Variants in SEMA3G observed in about 807,000 individuals in gnomAD.
SEMA3G encodes semaphorin-3G.
A neutral mutation model predicts 86.2 loss-of-function variants in SEMA3G; 70 were observed. The observed-to-expected ratio is 0.81, with a 90% CI of 0.67 to 0.99. The LOEUF is 0.99. Ranked by LOEUF, SEMA3G falls within the 50% of genes least tolerant of loss-of-function variation. The probability of loss-of-function intolerance (pLI) is 0.00; values close to 1 mark genes in which losing one functional copy is unlikely to be tolerated. For synonymous variants in SEMA3G, 416 were observed against 441.4 expected (o/e 0.94, Z 0.72); for missense variants, 1,002 against 1,072.4 (o/e 0.93, Z 0.92).
rs1022602274 is a variant in SEMA3G at position 52,433,505 on chromosome 3, C to T, written c.*2098G>A. 3 of 152,634 alleles carry T rather than the reference C, an allele frequency of 2.0e-5. No homozygotes were observed. Among genetic ancestry groups the T allele is most frequent in the African/African-American group, 7.2e-5 (3 of 41,442 alleles). 9.5% of individuals were successfully genotyped at this position (152,634 alleles called of 1,614,324 possible). Reference sequence around the variant, plus strand: ...TCAACACACAAATACAAAAACAACTCGCATTTACGGGGCGTTTCCAGGAGT... The same window carrying T: ...TCAACACACAAATACAAAAACAACTTGCATTTACGGGGCGTTTCCAGGAGT... On this transcript the variant is annotated 3_prime_UTR_variant, in exon 16 of 16. Transcript: ENST00000231721.
intron 13 of SEMA3G, 89 bp from the exon 14 acceptor site, chr3:52,438,288 C>T: frequency 7.0e-7 from 1 of 1,431,944 alleles, no homozygotes; most frequent in Non-Finnish European, 9.6e-7. Flanking sequence ...CCTGAGACCC[C>T]TGCCACTTGC....
chr3:52,438,287 C>T, intron 13 of SEMA3G, 88 bp from the exon 14 acceptor site: 1 of 1,433,978 alleles, frequency 7.0e-7, no homozygotes, highest in Non-Finnish European at 9.6e-7. Context: ...TCCTGAGACC[C>T]CTGCCACTTG....
chr3:52,440,484 T>C lies in SEMA3G; in HGVS notation c.1036A>G (p.Met346Val), dbSNP rs970178559. Residue 346 changes from methionine to valine, a missense_variant, in exon 10 of 16, where the codon ATG (methionine) becomes GTG (valine). Coordinates refer to ENST00000231721, the MANE Select transcript of SEMA3G (RefSeq NM_020163.3). ...TTGAAAACCTCCCAGATGTCTGCCATGTGGTACACACAGACGGCGAAGCCC... is the reference window on the plus strand; with the variant it reads ...TTGAAAACCTCCCAGATGTCTGCCACGTGGTACACACAGACGGCGAAGCCC... ...FQGFAVCVYH[M>V]ADIWEVFNGP... 2.5e-6 allele frequency: 4 copies of C among 1,611,922 alleles called. No homozygotes were observed. The highest frequency in any genetic ancestry group is 2.7e-5 in the African/African-American group (2 of 74,900).
In SEMA3G at chr3:52,439,992, G is replaced by C. The variant is rs1706116123; in HGVS notation, c.1250C>G (p.Pro417Arg). ...FARAHPLMFW[P>R]VRPRHGRPVL... Reference sequence around the variant, plus strand: ...AGGGCGGCCATGTCGAGGCCGCACAGGCCAGAACATGAGGGGGTGGGCTCG... The same window carrying C: ...AGGGCGGCCATGTCGAGGCCGCACACGCCAGAACATGAGGGGGTGGGCTCG... Residue 417 changes from proline to arginine, a missense_variant, in exon 11 of 16, where the codon CCT (proline) becomes CGT (arginine). Coordinates refer to ENST00000231721, the MANE Select transcript of SEMA3G (RefSeq NM_020163.3). 6.8e-6 allele frequency: 11 copies of C among 1,613,540 alleles called. No individual in the cohort carries two copies. The highest frequency in any genetic ancestry group is 9.3e-6 in the Non-Finnish European group (11 of 1,179,822).
chr3:52,442,525 A>C lies in SEMA3G; in HGVS notation c.339+34T>G. On this transcript the variant is annotated intron_variant, in intron 3 of 15. Transcript: ENST00000231721. The surrounding 1 kb of genome is among the most constrained non-coding windows in gnomAD (Gnocchi z 6.1). ...GTCCTGGGGGTCAGGGCAGGGTGTC[A>C]GGTCGGGGGACCATCCCTCCCGACA... 6.2e-7 allele frequency: 1 copy of C among 1,608,262 alleles called. No homozygotes were observed. Among genetic ancestry groups the C allele is most frequent in the Non-Finnish European group, 8.5e-7 (1 of 1,174,742 alleles).
At position 52,442,751 on chromosome 3, in the gene SEMA3G, C is replaced by T. The variant is rs200194451; in HGVS notation, c.272G>A (p.Arg91Gln). 316 of 1,613,818 alleles carry T rather than the reference C, an allele frequency of 2.0e-4. 3 individuals carry two copies. Among genetic ancestry groups the T allele is most frequent in the Middle Eastern group, 1.5e-3 (9 of 6,060 alleles). The stretch of plus-strand genomic sequence containing the variant: ...TTCCCTGCCAGTCCAGCTCACCTCC[C>T]GGGGATCTGGCCATGCCTGGTCCAG... ...LRLDQAWPDP[R>Q]EVLWPPQPGQ... is the part of the protein sequence containing the mutation. Residue 91 changes from arginine (R) to glutamine (Q), a missense_variant, in exon 2 of 16, where the codon CGG (arginine) becomes CAG (glutamine). By Grantham distance (43) the Arg-to-Gln change is conservative. Transcript: ENST00000231721. The surrounding 1 kb of genome is among the most constrained non-coding windows in gnomAD (Gnocchi z 6.1).
At chr3:52,438,330 CA>C in intron 13 of SEMA3G, 131 bp from the exon 14 acceptor site, 1 of 1,409,898 alleles carries the variant, frequency 7.1e-7, no homozygotes. Context: ...TGGATTCATT[CA>C]AAAAACAAAA....
Position 52,438,049 on chromosome 3 carries a change from G to A in SEMA3G, c.1660C>T (p.Leu554Phe). ...TGCCGGCGGAACCGGCGCTTGCCAA[G>A]GCTGGGGCGGTAGTGGGTACAGGAG... ...GASCTHYRPS[L>F]GKRRFRRQDI... The change falls in exon 14 of 16, where the codon CTT becomes TTT. Residue 554 changes from leucine to phenylalanine, a missense_variant. Transcript: ENST00000231721. 3.7e-6 allele frequency: 6 copies of A among 1,613,218 alleles called. No homozygotes were observed. Among genetic ancestry groups the A allele is most frequent in the Non-Finnish European group, 5.1e-6 (6 of 1,180,018 alleles).
rs548488323 is a variant in SEMA3G, at chr3:52,441,120, C to T, written c.814-72G>A. 11 of 1,473,478 alleles carry T rather than the reference C, an allele frequency of 7.5e-6. No homozygotes were observed. In the African/African-American group the frequency reaches 8.3e-5, roughly 11 times the overall value. 91.3% of individuals were successfully genotyped at this position (1,473,478 alleles called of 1,614,324 possible). ...GTCCCACCATCCACTCTTCTACCCTCACCCACTCGGGGAGAGGTATGCATG... is the reference window on the plus strand; with the variant it reads ...GTCCCACCATCCACTCTTCTACCCTTACCCACTCGGGGAGAGGTATGCATG... On this transcript the variant is annotated intron_variant, in intron 7 of 15. Coordinates refer to ENST00000231721, the MANE Select transcript of SEMA3G (RefSeq NM_020163.3).
At chr3:52,444,740 T>A (rs192994868) in intron 1 of SEMA3G, among the ~76,000 whole-genome samples, 173 bp downstream of exon 1, 56 of 722 alleles carry the variant, frequency 0.078, no homozygotes, top group South Asian at 0.14. Context: ...ACACGCAAAC[T>A]CGGCACACGC....
chr3:52,438,843 C>T (rs567110100), intron 13 of SEMA3G, 77 bp downstream of exon 13: 39 of 1,586,722 alleles, frequency 2.5e-5, no homozygotes, highest in African/African-American at 6.7e-5. Context: ...GAGGAGGCTG[C>T]GGAGCAGGGG....
At position 52,442,309 on chromosome 3, in the gene SEMA3G, G is replaced by C; in HGVS notation, c.340-5C>G. On this transcript the variant is annotated splice_polypyrimidine_tract_variant and splice_region_variant and intron_variant, in intron 3 of 15. Transcript: ENST00000231721. This position sits in a 1 kb window ranked among gnomAD's most constrained non-coding sequence, Gnocchi z 6.1. ...CACGAAGTTGGCGCACTCTGTCTGC[G>C]GGGAGAAGGAGGGGGTGGTTGAGGG... The C allele has an allele frequency of 6.2e-7, 1 of 1,613,556 alleles. No homozygotes were observed. The highest frequency in any genetic ancestry group is 8.5e-7 in the Non-Finnish European group (1 of 1,179,820).
Position 52,436,037 on chromosome 3 carries a change from C to G in SEMA3G, c.1915G>C (p.Gly639Arg). ...TDERVLHTER[G>R]LLFRRLSRFD... ...CGGCTAAGCCTGCGGAACAGCAGCC[C>G]CCGCTCCGTGTGCAAGACTCGCTCG... is the stretch of plus-strand genomic sequence containing the variant. The change falls in exon 16 of 16, where the codon GGG (glycine) becomes CGG (arginine). Residue 639 changes from glycine (G) to arginine (R), a missense_variant. Coordinates refer to ENST00000231721, the MANE Select transcript of SEMA3G (RefSeq NM_020163.3). 1 of 1,612,816 alleles carries G rather than the reference C, an allele frequency of 6.2e-7. No individual in the cohort carries two copies. The highest frequency in any genetic ancestry group is 8.5e-7 in the Non-Finnish European group (1 of 1,179,586).
chr3:52,442,882 G>A lies in SEMA3G; in HGVS notation c.141C>T (p.Ala47=), dbSNP rs765835594. 1 of 1,605,200 alleles carries A rather than the reference G, an allele frequency of 6.2e-7. No individual in the cohort carries two copies. Among genetic ancestry groups the A allele is most frequent in the Non-Finnish European group, 8.5e-7 (1 of 1,175,900 alleles). ...YRDLLSANRS[A]IFLGPQGSLN... is the part of the protein sequence containing the mutation. ...GGGAGCCCTGGGGGCCCAGAAAGAT[G>A]GCAGAGCGGTTGGCAGACAGGAGGT... The change falls in exon 2 of 16, where the codon GCC becomes GCT. Residue 47 remains alanine, a synonymous_variant. Transcript: ENST00000231721. This position sits in a 1 kb window ranked among gnomAD's most constrained non-coding sequence, Gnocchi z 6.1.
At position 52,440,914 on chromosome 3, in the gene SEMA3G, C is replaced by T; in HGVS notation, c.928+20G>A. 1 of 1,601,816 alleles carries T rather than the reference C, an allele frequency of 6.2e-7. No homozygotes were observed. Among genetic ancestry groups the T allele is most frequent in the South Asian group, 1.1e-5 (1 of 90,032 alleles). ...CCCTCCCCACTCCCGAGCCCTAGGC[C>T]TGCTTGGCCAGGCCCTCACCTAGCT... On this transcript the variant is annotated intron_variant, in intron 8 of 15. Transcript: ENST00000231721.
At chr3:52,443,696 CG>C (rs1435945108) in intron 1 of SEMA3G, among the ~76,000 whole-genome samples, 12 of 152,322 alleles carry the variant, frequency 7.9e-5, no homozygotes, top group Non-Finnish European at 1.3e-4. Flanking sequence ...CGGTCTCTTC[CG>C]GGAAGCCCTC....
intron 9 of SEMA3G, 35 bp from the exon 10 acceptor site, chr3:52,440,556 G>A (rs1211711078): frequency 6.3e-7 from 1 of 1,589,500 alleles, no homozygotes; most frequent in Admixed American, 1.8e-5. Flanking sequence ...GGCCAGAGTG[G>A]CCATCAAGGA....
Position 52,442,884 on chromosome 3 carries a change from C to A in SEMA3G, c.139G>T (p.Ala47Ser), listed in dbSNP as rs1208943362. 2 of 1,603,944 alleles carry A rather than the reference C, an allele frequency of 1.2e-6. No individual in the cohort carries two copies. The highest frequency in any genetic ancestry group is 2.7e-5 in the African/African-American group (2 of 74,716). Residue 47 changes from alanine to serine, a missense_variant, in exon 2 of 16, where the codon GCC becomes TCC. Transcript: ENST00000231721. The surrounding 1 kb of genome is among the most constrained non-coding windows in gnomAD (Gnocchi z 6.1). Reference sequence around the variant, plus strand: ...GAGCCCTGGGGGCCCAGAAAGATGGCAGAGCGGTTGGCAGACAGGAGGTCT... The same window carrying A: ...GAGCCCTGGGGGCCCAGAAAGATGGAAGAGCGGTTGGCAGACAGGAGGTCT... ...YRDLLSANRSAIFLGPQGSLN... is the reference protein window; with the variant it reads ...YRDLLSANRSSIFLGPQGSLN...
intron 14 of SEMA3G, 132 bp downstream of exon 14, chr3:52,437,839 C>A: frequency 9.0e-7 from 1 of 1,112,044 alleles, no homozygotes; most frequent in Non-Finnish European, 1.3e-6. Context: ...CTAGCAGGAG[C>A]TACACAGAGA....
Sources: allele counts gnomAD v4.1 joint callset (sites outside exome capture counted in the v4.1 genomes callset), GRCh38; gene constraint gnomAD v4.1.1; non-coding constraint Gnocchi (gnomAD v3.1); transcripts MANE v1.5; gene names NCBI Gene and HGNC (gene_info 2026-07-23, HGNC 2026-07-21).